The following PCDHA13 variants were observed in gnomAD, a reference collection of about 807,000 sequenced individuals.
PCDHA13 encodes protocadherin alpha-13.
PCDHA13 carries 54 observed loss-of-function variants against 64.8 expected under a neutral mutation model. The ratio of observed to expected loss-of-function variants is 0.83; its 90% CI spans 0.67 to 1.04. The LOEUF (loss-of-function observed/expected upper bound fraction) is 1.04, where lower values mean the gene tolerates loss of function less well. PCDHA13 is among the 50% of genes least tolerant of loss of function. The pLI is 0.00. For synonymous variants in PCDHA13, 587 were observed against 564.4 expected (o/e 1.04, Z -0.57); for missense variants, 1,248 against 1,254.3 (o/e 0.99, Z 0.08).
chr5:140,967,276 G>C, intron 1 of PCDHA13: 2 of 1,613,398 alleles, frequency 1.2e-6, no homozygotes. Context: ...TTCACATAGA[G>C]AGTGCGCAGG....
rs561529051 is a variant in PCDHA13 at position 140,929,034 on chromosome 5, C to G, written c.2394+44372C>G. On this transcript the variant is annotated intron_variant, in intron 1 of 3. Transcript: ENST00000289272. ...AGTTGCACCAGAGCCCAGGCTGTTGCGCTCAGAGCTGCTGTCGCTCTACAG... is the reference window on the plus strand; with the variant it reads ...AGTTGCACCAGAGCCCAGGCTGTTGGGCTCAGAGCTGCTGTCGCTCTACAG... 2.8e-5 allele frequency: 46 copies of G among 1,614,040 alleles called. No homozygotes were observed. The South Asian group carries it at 4.8e-4, about 17-fold the overall frequency.
intron 1 of PCDHA13, among the ~76,000 whole-genome samples, chr5:140,917,340 T>TG (rs2078149834): frequency 7.5e-6 from 1 of 132,986 alleles, no homozygotes; most frequent in Non-Finnish European, 1.6e-5. Context: ...AGGGGGGGGA[T>TG]GGTGTAGGCT....
intron 1 of PCDHA13, among the ~76,000 whole-genome samples, chr5:140,977,005 A>C (rs982594376): frequency 3.3e-5 from 5 of 152,156 alleles, no homozygotes; most frequent in Non-Finnish European, 5.9e-5. Flanking sequence ...AAATCTTGTA[A>C]CTGTGATTCT....
intron 1 of PCDHA13, among the ~76,000 whole-genome samples, chr5:140,915,458 G>A (rs1172885235): frequency 6.6e-6 from 1 of 152,126 alleles, no homozygotes; most frequent in Non-Finnish European, 1.5e-5. Context: ...TTTCCAGAAG[G>A]TTTTTATTTG....
intron 1 of PCDHA13, among the ~76,000 whole-genome samples, chr5:140,947,069 T>G (rs2094080715): frequency 6.6e-6 from 1 of 151,696 alleles, no homozygotes; most frequent in Admixed American, 6.6e-5. Context: ...AGTGTATATA[T>G]GTATTGAAAC....
At chr5:140,977,373 A>G (rs1167438428) in intron 1 of PCDHA13, among the ~76,000 whole-genome samples, 1 of 152,168 alleles carries the variant, frequency 6.6e-6, no homozygotes, top group Non-Finnish European at 1.5e-5. Flanking sequence ...TATTTTAGTC[A>G]TATTTCCAGG....
chr5:140,916,563 G>A (rs2077621809), intron 1 of PCDHA13, among the ~76,000 whole-genome samples: 1 of 152,198 alleles, frequency 6.6e-6, no homozygotes, highest in African/African-American at 2.4e-5. Context: ...TGTCCAGGGT[G>A]TGTCTAGAAA....
At chr5:140,928,874 C>T (rs782794510) in intron 1 of PCDHA13, 1 of 1,614,194 alleles carries the variant, frequency 6.2e-7, no homozygotes, top group Admixed American at 1.7e-5. Context: ...AACTCTGTCC[C>T]TCAGTTACTT....
Position 140,921,480 on chromosome 5 carries a change from A to G in PCDHA13, c.2394+36818A>G, listed in dbSNP as rs201609452. On this transcript the variant is annotated intron_variant, in intron 1 of 3. Coordinates refer to ENST00000289272, the MANE Select transcript of PCDHA13 (RefSeq NM_018904.3). ...CCTGCAACCACTACCAAACCACTCT[A>G]CCTGAGATTAGTTTATTAGATAGTG... 4.8e-4 allele frequency among the ~76,000 whole-genome samples: 73 copies of G among 152,306 alleles called. No homozygotes were observed. In the East Asian group the frequency reaches 0.011, roughly 22 times the overall value.
In PCDHA13 at chr5:140,884,554, G is replaced by A. The variant is rs1554181727; in HGVS notation, c.2286G>A (p.Glu762=). ...GGCGGCCGAGGGTGTGCTCTGGGGA[G>A]GGCCCGCATAAGACGGACCTCATGG... is the stretch of plus-strand genomic sequence containing the variant. ...QQRRPRVCSG[E]GPHKTDLMAF... Residue 762 remains glutamate, a synonymous_variant, in exon 1 of 4, where the codon GAG becomes GAA. Coordinates refer to ENST00000289272, the MANE Select transcript of PCDHA13 (RefSeq NM_018904.3). 6.2e-6 allele frequency: 10 copies of A among 1,614,160 alleles called. No individual in the cohort carries two copies. Among genetic ancestry groups the A allele is most frequent in the Non-Finnish European group, 6.8e-6 (8 of 1,180,022 alleles).
At position 140,993,185 on chromosome 5, in the gene PCDHA13, G is replaced by A. The variant is rs1393686590; in HGVS notation, c.2542+10622G>A. Among the ~76,000 whole-genome samples, 5 of 152,162 alleles carry A rather than the reference G, an allele frequency of 3.3e-5. No homozygotes were observed. The South Asian group carries it at 8.3e-4, about 25-fold the overall frequency. The stretch of plus-strand genomic sequence containing the variant: ...TTGCCTTTGGGAAATTTCTTTAGAG[G>A]GAAACTCACTAAAGCTAATTTTTTT... On this transcript the variant is annotated intron_variant, in intron 3 of 3. Transcript: ENST00000289272.
At chr5:140,940,470 A>AT (rs201096499) in intron 1 of PCDHA13, among the ~76,000 whole-genome samples, 9 of 149,600 alleles carry the variant, frequency 6.0e-5, no homozygotes, top group East Asian at 5.9e-4. Context: ...GTTCCCTGCA[A>AT]TTTTTTTTTT....
At chr5:140,899,574 C>T (rs890849786) in intron 1 of PCDHA13, among the ~76,000 whole-genome samples, 2 of 152,112 alleles carry the variant, frequency 1.3e-5, no homozygotes, top group African/African-American at 4.8e-5. Context: ...CTGCTGGATT[C>T]GGTTTGCCAG....
At chr5:140,953,948 C>A (rs1012464637) in intron 1 of PCDHA13, among the ~76,000 whole-genome samples, 2 of 152,092 alleles carry the variant, frequency 1.3e-5, no homozygotes, top group Non-Finnish European at 2.9e-5. Context: ...CATTGCTCCC[C>A]CAACAGGCCC....
chr5:140,888,197 C>T (rs190439070), intron 1 of PCDHA13, among the ~76,000 whole-genome samples: 18 of 152,162 alleles, frequency 1.2e-4, no homozygotes, highest in East Asian at 1.2e-3. Flanking sequence ...TTTACATTGT[C>T]GGATGCTGGA....
chr5:140,995,206 G>A (rs1179914547), intron 3 of PCDHA13, among the ~76,000 whole-genome samples: 2 of 151,988 alleles, frequency 1.3e-5, no homozygotes, highest in African/African-American at 2.4e-5. Context: ...TATAAATTAG[G>A]CACAATACTC....
chr5:140,989,727 A>C (rs1203211477), intron 3 of PCDHA13, among the ~76,000 whole-genome samples: 7 of 152,190 alleles, frequency 4.6e-5, no homozygotes, highest in African/African-American at 1.7e-4. Context: ...TTTGCAGTTG[A>C]AAAGGCCATT....
chr5:140,899,551 GC>G (rs1220661801), intron 1 of PCDHA13, among the ~76,000 whole-genome samples: 12 of 152,288 alleles, frequency 7.9e-5, no homozygotes, highest in Middle Eastern at 6.8e-3. Context: ...TGGTGGATAA[GC>G]TTTTTGATGT....
chr5:140,930,072 C>G (rs2086579078), intron 1 of PCDHA13: 1 of 152,132 alleles, frequency 6.6e-6, no homozygotes, highest in Admixed American at 6.5e-5. Flanking sequence ...AACTGTAAGC[C>G]TCTCTCATAA....
Sources: allele counts gnomAD v4.1 joint callset (sites outside exome capture counted in the v4.1 genomes callset), GRCh38; gene constraint gnomAD v4.1.1; transcripts MANE v1.5; gene names NCBI Gene and HGNC (gene_info 2026-07-23, HGNC 2026-07-21).